The following LINGO2 variants were observed in gnomAD, a reference collection of about 807,000 sequenced individuals.
The protein encoded by LINGO2 is leucine-rich repeat and immunoglobulin-like domain-containing nogo receptor-interacting protein 2.
A neutral mutation model predicts 30.6 loss-of-function variants in LINGO2; 14 were observed. The ratio of observed to expected loss-of-function variants is 0.46; its 90% CI spans 0.30 to 0.72. The LOEUF (loss-of-function observed/expected upper bound fraction) is 0.72, where lower values mean the gene tolerates loss of function less well. LINGO2 is among the 30% of genes least tolerant of loss of function. The pLI is 0.07. For missense variants in LINGO2, 729 were observed against 751.7 expected (o/e 0.97, Z 0.35); for synonymous variants, 317 against 288.5 (o/e 1.10, Z -1.00).
At chr9:28,213,240 T>C (rs1385704742) in intron 4 of LINGO2, among the ~76,000 whole-genome samples, 3 of 151,470 alleles carry the variant, frequency 2.0e-5, no homozygotes, top group African/African-American at 4.8e-5. Flanking sequence ...GAGTTCAATT[T>C]GTTGGAGAAT....
At chr9:28,673,706 A>ATCATC (rs1266460076), upstream of LINGO2, among the ~76,000 whole-genome samples, 1,080 of 117,444 alleles carry the variant, frequency 9.2e-3, 23 homozygotes, top group African/African-American at 0.036. Context: ...TCATCATCAT[A>ATCATC]AATATTGTTC....
the LINGO2 span, among the ~76,000 whole-genome samples, chr9:28,909,911 G>T: frequency 6.6e-6 from 1 of 151,932 alleles, no homozygotes; most frequent in Admixed American, 6.6e-5. Flanking sequence ...CCTGAAAGCA[G>T]TAATCAACAG....
the LINGO2 span, among the ~76,000 whole-genome samples, chr9:28,751,599 T>C: frequency 6.6e-6 from 1 of 152,082 alleles, no homozygotes; most frequent in Non-Finnish European, 1.5e-5. Flanking sequence ...TTGTTAGACT[T>C]GTCCCTAAAT....
chr9:28,065,458 C>T (rs1247317605), intron 4 of LINGO2, among the ~76,000 whole-genome samples: 2 of 151,956 alleles, frequency 1.3e-5, no homozygotes, highest in Non-Finnish European at 2.9e-5. Flanking sequence ...TTAAGAGTTG[C>T]ATAGTAAAAA....
At chr9:28,255,370 G>A in intron 4 of LINGO2, among the ~76,000 whole-genome samples, 1 of 152,022 alleles carries the variant, frequency 6.6e-6, no homozygotes, top group East Asian at 1.9e-4. Context: ...CTCCTGTAGA[G>A]AAATGCTGTA....
intron 1 of LINGO2, among the ~76,000 whole-genome samples, chr9:28,507,925 A>G (rs1031345235): frequency 2.5e-4 from 38 of 152,060 alleles, no homozygotes; most frequent in African/African-American, 8.9e-4. Context: ...CAAAGGTAGG[A>G]TGACAGTGAA....
the LINGO2 span, among the ~76,000 whole-genome samples, chr9:29,150,542 G>T: frequency 6.6e-6 from 1 of 152,148 alleles, no homozygotes; most frequent in Non-Finnish European, 1.5e-5. Flanking sequence ...TCCAAGAGCT[G>T]ATAGATGAAA....
chr9:28,672,995 G>C (rs780932926), upstream of LINGO2, among the ~76,000 whole-genome samples: 7 of 152,108 alleles, frequency 4.6e-5, no homozygotes, highest in Non-Finnish European at 8.8e-5. Flanking sequence ...GTATTAAAAG[G>C]AGACTATTTT....
At chr9:28,833,419 C>A in the LINGO2 span, among the ~76,000 whole-genome samples, 1 of 152,118 alleles carries the variant, frequency 6.6e-6, no homozygotes, top group Non-Finnish European at 1.5e-5. Flanking sequence ...TTTTAGTTTG[C>A]TACCCATTCA....
At chr9:28,799,365 G>A in the LINGO2 span, among the ~76,000 whole-genome samples, 1 of 152,050 alleles carries the variant, frequency 6.6e-6, no homozygotes, top group Admixed American at 6.6e-5. Flanking sequence ...CCCACCCAAG[G>A]CCAGTGATAT....
intron 1 of LINGO2, among the ~76,000 whole-genome samples, chr9:28,596,716 CTG>C (rs1421890641): frequency 6.6e-6 from 1 of 152,192 alleles, no homozygotes; most frequent in Non-Finnish European, 1.5e-5. Flanking sequence ...TAGCATAAAA[CTG>C]TAGCACTTTC....
At chr9:28,922,028 G>A in the LINGO2 span, among the ~76,000 whole-genome samples, 7 of 152,074 alleles carry the variant, frequency 4.6e-5, no homozygotes, top group Admixed American at 3.9e-4. Flanking sequence ...CCAGGCCCTG[G>A]ACTTTGTAAC....
chr9:28,284,734 AG>A (rs528296550), intron 4 of LINGO2, among the ~76,000 whole-genome samples: 12 of 152,194 alleles, frequency 7.9e-5, no homozygotes, highest in Non-Finnish European at 1.8e-4. Context: ...GCTACTGTAA[AG>A]ATATATGTTA....
chr9:28,887,716 G>A, the LINGO2 span, among the ~76,000 whole-genome samples: 4 of 152,078 alleles, frequency 2.6e-5, no homozygotes, highest in African/African-American at 9.7e-5. Context: ...CAAAAAGGCT[G>A]AGAACTGTAA....
chr9:28,555,734 T>G (rs1023941472), intron 1 of LINGO2, among the ~76,000 whole-genome samples: 14 of 152,128 alleles, frequency 9.2e-5, no homozygotes, highest in Non-Finnish European at 1.9e-4. Flanking sequence ...TGAACATTGA[T>G]GCAAAAATCC....
In LINGO2 at chr9:28,388,811, A is replaced by G. The variant is rs79947396; in HGVS notation, c.-278-15943T>C. Among the ~76,000 whole-genome samples, 174 of 152,126 alleles carry G rather than the reference A, an allele frequency of 1.1e-3. No individual in the cohort carries two copies. The Middle Eastern group carries it at 0.021, about 18-fold the overall frequency. The stretch of plus-strand genomic sequence containing the variant: ...GTGAACTAAATCAGATATAATTTGC[A>G]TTTTCTCCTGCCACATATTTAGAAG... On this transcript the variant is annotated intron_variant, in intron 2 of 5. Coordinates refer to ENST00000379992, the Ensembl canonical transcript of LINGO2.
intron 3 of LINGO2, among the ~76,000 whole-genome samples, chr9:28,303,763 T>C (rs186798306): frequency 6.6e-6 from 1 of 152,150 alleles, no homozygotes; most frequent in African/African-American, 2.4e-5. Context: ...ATCTTCATTG[T>C]CTTCATGTTG....
At chr9:27,959,279 T>C (rs970675749) in intron 5 of LINGO2, among the ~76,000 whole-genome samples, 4 of 152,122 alleles carry the variant, frequency 2.6e-5, no homozygotes, top group Non-Finnish European at 5.9e-5. Context: ...TCTGTTCTTA[T>C]CCTTATTATT....
chr9:29,096,783 T>C, the LINGO2 span, among the ~76,000 whole-genome samples: 5 of 140,224 alleles, frequency 3.6e-5, 1 homozygote, highest in African/African-American at 1.3e-4. Context: ...CTCCGGTGAG[T>C]ACATGTAGGA....
Sources: gnomAD v4.1 joint callset for allele counts (sites outside exome capture counted in the v4.1 genomes callset) on GRCh38, gnomAD v4.1.1 for gene constraint, MANE v1.5 for transcripts, NCBI Gene and HGNC (gene_info 2026-07-23, HGNC 2026-07-21) for gene names.